Variants in EPHA5 observed in about 807,000 individuals in gnomAD.
EPHA5 encodes ephrin type-A receptor 5.
A neutral mutation model predicts 105.0 loss-of-function variants in EPHA5; 60 were observed. The ratio of observed to expected loss-of-function variants is 0.57; its 90% CI spans 0.46 to 0.71. EPHA5 has a LOEUF of 0.71. EPHA5 is among the 30% of genes least tolerant of loss of function. The pLI is 0.00. For missense variants in EPHA5, 1,218 were observed against 1,274.7 expected (o/e 0.96, Z 0.68); for synonymous variants, 513 against 449.1 (o/e 1.14, Z -1.80).
intron 2 of EPHA5, among the ~76,000 whole-genome samples, chr4:65,635,985 T>C (rs1425509030): frequency 6.6e-6 from 1 of 152,146 alleles, no homozygotes; most frequent in East Asian, 1.9e-4. Context: ...TTCCGCCAAG[T>C]AATTTGATCA....
At chr4:65,433,251 G>T (rs746094112) in intron 5 of EPHA5, among the ~76,000 whole-genome samples, 41 of 152,120 alleles carry the variant, frequency 2.7e-4, no homozygotes, top group Non-Finnish European at 4.7e-4. Flanking sequence ...AGTGAATACA[G>T]AATCTAAACT....
chr4:65,386,656 T>G (rs1375018869), intron 8 of EPHA5, among the ~76,000 whole-genome samples: 1 of 151,934 alleles, frequency 6.6e-6, no homozygotes, highest in Non-Finnish European at 1.5e-5. Context: ...AAATTTTTGC[T>G]TTTAAAATAT....
chr4:65,571,522 TA>T (rs1740179122), intron 3 of EPHA5, among the ~76,000 whole-genome samples: 1 of 152,040 alleles, frequency 6.6e-6, no homozygotes, highest in Admixed American at 6.6e-5. Context: ...TATTCTTAAA[TA>T]GGACTGAACA....
intron 2 of EPHA5, among the ~76,000 whole-genome samples, chr4:65,621,049 GA>G: frequency 6.6e-6 from 1 of 152,156 alleles, no homozygotes; most frequent in Admixed American, 6.5e-5. Context: ...ATGATACACT[GA>G]AATTCATTAG....
chr4:65,568,730 T>C (rs1739816755), intron 3 of EPHA5, among the ~76,000 whole-genome samples: 1 of 151,004 alleles, frequency 6.6e-6, no homozygotes, highest in African/African-American at 2.4e-5. Flanking sequence ...GTTTATACAC[T>C]TTTTCAAACC....
chr4:65,412,409 A>G (rs902375977), intron 7 of EPHA5, among the ~76,000 whole-genome samples: 4 of 152,116 alleles, frequency 2.6e-5, no homozygotes, highest in Non-Finnish European at 4.4e-5. Flanking sequence ...TCAATAAACT[A>G]TTGTTGTTGA....
chr4:65,537,145 AC>A (rs1373044667), intron 3 of EPHA5, among the ~76,000 whole-genome samples: 1 of 151,862 alleles, frequency 6.6e-6, no homozygotes, highest in Admixed American at 6.6e-5. Flanking sequence ...AAGGTACTGA[AC>A]AAAAATTCAT....
At chr4:65,386,502 A>T (rs1398315218) in intron 8 of EPHA5, among the ~76,000 whole-genome samples, 1 of 151,934 alleles carries the variant, frequency 6.6e-6, no homozygotes, top group East Asian at 1.9e-4. Context: ...TTCTAAGGAC[A>T]TTAATGACAG....
At chr4:65,330,826 A>T (rs774110812) in intron 16 of EPHA5, 76 of 1,031,496 alleles carry the variant, frequency 7.4e-5, no homozygotes, top group Non-Finnish European at 8.6e-5. Context: ...AGTAGATATG[A>T]TCTGGTGGAC....
intron 8 of EPHA5, among the ~76,000 whole-genome samples, chr4:65,379,728 T>C (rs994699597): frequency 7.3e-5 from 11 of 151,720 alleles, no homozygotes; most frequent in African/African-American, 2.7e-4. Flanking sequence ...ATTACTAGAC[T>C]AAATATTTTT....
At chr4:65,335,888 G>A (rs2148812002) in intron 15 of EPHA5, 44 bp downstream of exon 15, 1 of 1,532,986 alleles carries the variant, frequency 6.5e-7, no homozygotes, top group Non-Finnish European at 8.8e-7. Context: ...ACATCAATCT[G>A]AGTTAGCTAC....
At chr4:65,403,759 T>C (rs1722084908) in intron 8 of EPHA5, among the ~76,000 whole-genome samples, 1 of 152,092 alleles carries the variant, frequency 6.6e-6, no homozygotes, top group Admixed American at 6.6e-5. Flanking sequence ...ATATGTAATA[T>C]ATTATATATT....
At chr4:65,556,882 T>C (rs1738494451) in intron 3 of EPHA5, among the ~76,000 whole-genome samples, 1 of 152,056 alleles carries the variant, frequency 6.6e-6, no homozygotes, top group Non-Finnish European at 1.5e-5. Context: ...AATTCAGCTT[T>C]TTGTGGTCTA....
chr4:65,615,696 A>G (rs1156528834), intron 2 of EPHA5, among the ~76,000 whole-genome samples: 2 of 151,978 alleles, frequency 1.3e-5, no homozygotes, highest in Non-Finnish European at 2.9e-5. Context: ...AAATGTCATT[A>G]GCCATCAGGG....
intron 2 of EPHA5, among the ~76,000 whole-genome samples, chr4:65,619,742 A>G (rs1189758021): frequency 2.6e-5 from 4 of 151,956 alleles, no homozygotes; most frequent in African/African-American, 7.2e-5. Context: ...TTTCCTAAGT[A>G]TCTATGTGCA....
At chr4:65,330,967 T>C in intron 16 of EPHA5, 1 of 1,044,272 alleles carries the variant, frequency 9.6e-7, no homozygotes, top group South Asian at 4.6e-5. Context: ...GGTACCCTGT[T>C]ACCTTCTGTG....
At chr4:65,571,892 G>C (rs529045349) in intron 3 of EPHA5, among the ~76,000 whole-genome samples, 87 of 151,990 alleles carry the variant, frequency 5.7e-4, no homozygotes, top group African/African-American at 1.8e-3. Context: ...CAACAAATTA[G>C]AGCATGCCTT....
Position 65,487,024 on chromosome 4 carries a change from G to A in EPHA5, c.1402+3353C>T, listed in dbSNP as rs191615045. On this transcript the variant is annotated intron_variant, in intron 5 of 16. Coordinates refer to ENST00000613740, the MANE Select transcript of EPHA5 (RefSeq NM_001281766.3). ...TCTCTTGTATTCCTGCTCTCGCCAT[G>A]TGAGATGCCTCACTCCTTCTTTGCC... Among the ~76,000 whole-genome samples the A allele has an allele frequency of 1.9e-3, 289 of 152,300 alleles. 1 individual carries two copies. The highest frequency in any genetic ancestry group is 6.6e-3 in the African/African-American group (276 of 41,560).
chr4:65,591,365 T>C (rs1461918159), intron 3 of EPHA5, among the ~76,000 whole-genome samples: 1 of 151,948 alleles, frequency 6.6e-6, no homozygotes, highest in Non-Finnish European at 1.5e-5. Flanking sequence ...ACAGATGACA[T>C]GATTTAATTA....
Sources: allele counts gnomAD v4.1 joint callset (sites outside exome capture counted in the v4.1 genomes callset), GRCh38; gene constraint gnomAD v4.1.1; transcripts MANE v1.5; gene names NCBI Gene and HGNC (gene_info 2026-07-23, HGNC 2026-07-21).